The following RNF43 variants were observed in gnomAD, a reference collection of about 807,000 sequenced individuals.
RNF43 encodes ring finger protein 43.
RNF43 carries 37 observed loss-of-function variants against 78.4 expected under a neutral mutation model. The ratio of observed to expected loss-of-function variants is 0.47; its 90% CI spans 0.36 to 0.62. The LOEUF (loss-of-function observed/expected upper bound fraction) is 0.62, where lower values mean the gene tolerates loss of function less well. Ranked by LOEUF, RNF43 falls within the 20% of genes least tolerant of loss-of-function variation. The probability of loss-of-function intolerance (pLI) is 0.00; values close to 1 mark genes in which losing one functional copy is unlikely to be tolerated. For missense variants in RNF43, 774 were observed against 1,007.9 expected (o/e 0.77, Z 3.14); for synonymous variants, 347 against 395.0 (o/e 0.88, Z 1.44).
intron 2 of RNF43, among the ~76,000 whole-genome samples, chr17:58,381,307 T>C (rs186282559): frequency 2.0e-5 from 3 of 152,306 alleles, no homozygotes; most frequent in Admixed American, 2.0e-4. Flanking sequence ...CAGGAAGGGC[T>C]TGTGTTGGAG....
rs1240000322 is a variant in RNF43 at position 58,353,772 on chromosome 17, C to G, written c.*1171G>C. On this transcript the variant is annotated 3_prime_UTR_variant, in exon 10 of 10. Transcript: ENST00000407977. ...CAGATATAAATACCCATGTGGGTAC[C>G]TAGGTGCTAGTCTCCCCACTAACTG... The G allele has an allele frequency of 4.9e-6, 1 of 204,788 alleles. No individual in the cohort carries two copies. Among genetic ancestry groups the G allele is most frequent in the African/African-American group, 2.3e-5 (1 of 43,676 alleles). 12.7% of individuals were successfully genotyped at this position (204,788 alleles called of 1,614,324 possible).
intron 2 of RNF43, among the ~76,000 whole-genome samples, chr17:58,386,674 G>T (rs1973444422): frequency 6.6e-6 from 1 of 152,090 alleles, no homozygotes; most frequent in African/African-American, 2.4e-5. Context: ...TTTCTGTTCT[G>T]TGACTTATTA....
intron 2 of RNF43, among the ~76,000 whole-genome samples, chr17:58,398,397 A>G (rs1480643564): frequency 6.6e-6 from 1 of 152,196 alleles, no homozygotes; most frequent in Non-Finnish European, 1.5e-5. Flanking sequence ...GGTCCATTAC[A>G]TCTGCTTCTT....
In RNF43 at chr17:58,357,400, C is replaced by T. The variant is rs1360847364; in HGVS notation, c.2308+68G>A. The T allele has an allele frequency of 6.3e-7, 1 of 1,598,574 alleles. No homozygotes were observed. Among genetic ancestry groups the T allele is most frequent in the South Asian group, 1.1e-5 (1 of 90,742 alleles). ...CCATCAACCCTTTGTTGGCTGACTT[C>T]ACCTGTCCTGAAATATTCAGCTGTA... On this transcript the variant is annotated intron_variant, in intron 9 of 9. Coordinates refer to ENST00000407977, the MANE Select transcript of RNF43 (RefSeq NM_017763.6). This position sits in a 1 kb window ranked among gnomAD's most constrained non-coding sequence, Gnocchi z 4.5.
intron 3 of RNF43, among the ~76,000 whole-genome samples, chr17:58,368,523 G>C (rs1180130540): frequency 6.6e-6 from 1 of 151,848 alleles, no homozygotes; most frequent in African/African-American, 2.4e-5. Context: ...CTCCAGCCTG[G>C]GCAACAGAGC....
At position 58,363,614 on chromosome 17, in the gene RNF43, C is replaced by G. The variant is rs745640921; in HGVS notation, c.376-14G>C. ...CGCCATCCGAGCCTGCAGAGGCACACAGTAGAGGTTGGGCTGAGGTCAGGG... is the reference window on the plus strand; with the variant it reads ...CGCCATCCGAGCCTGCAGAGGCACAGAGTAGAGGTTGGGCTGAGGTCAGGG... On this transcript the variant is annotated splice_polypyrimidine_tract_variant and intron_variant, in intron 3 of 9. Transcript: ENST00000407977. 5.0e-6 allele frequency: 8 copies of G among 1,606,582 alleles called. No individual in the cohort carries two copies. The highest frequency in any genetic ancestry group is 6.8e-6 in the Non-Finnish European group (8 of 1,175,174).
chr17:58,353,733 G>C lies in RNF43; in HGVS notation c.*1210C>G, dbSNP rs918084852. ...TTTCTTAACATAGTGCCTGATTCAA[G>C]CGTCTGTCTGGTTCAGATATAAATA... On this transcript the variant is annotated 3_prime_UTR_variant, in exon 10 of 10. Coordinates refer to ENST00000407977, the MANE Select transcript of RNF43 (RefSeq NM_017763.6). 3 of 210,532 alleles carry C rather than the reference G, an allele frequency of 1.4e-5. No individual in the cohort carries two copies. The highest frequency in any genetic ancestry group is 2.9e-5 in the Non-Finnish European group (3 of 103,322). 13.0% of individuals were successfully genotyped at this position (210,532 alleles called of 1,614,324 possible).
rs2143392779 is a variant in RNF43, at chr17:58,357,757, A to G, written c.2019T>C (p.Thr673=). ...GAAAAATCTGGCAAGCTGGGTGCAC[A>G]GTTGCATCCTGGGGCCGAGAGCCAG... ...PTPGSRPQDA[T]VHPACQIFPH... Residue 673 remains threonine, a synonymous_variant, in exon 9 of 10, where the codon ACT becomes ACC. Coordinates refer to ENST00000407977, the MANE Select transcript of RNF43 (RefSeq NM_017763.6). The surrounding 1 kb of genome is among the most constrained non-coding windows in gnomAD (Gnocchi z 4.5). 1.9e-6 allele frequency: 3 copies of G among 1,613,368 alleles called. No homozygotes were observed. The highest frequency in any genetic ancestry group is 1.1e-5 in the South Asian group (1 of 91,008).
At chr17:58,411,156 A>T (rs1974018324) in intron 2 of RNF43, among the ~76,000 whole-genome samples, 1 of 152,210 alleles carries the variant, frequency 6.6e-6, no homozygotes, top group African/African-American at 2.4e-5. Flanking sequence ...TGTAAAGTGC[A>T]TGTAAATAGC....
intron 3 of RNF43, among the ~76,000 whole-genome samples, chr17:58,364,485 G>A (rs970714542): frequency 2.0e-5 from 3 of 152,158 alleles, no homozygotes; most frequent in African/African-American, 7.2e-5. Context: ...GTAGGGAGGG[G>A]AGTAAGGAAA....
rs1471215637 is a variant in RNF43, at chr17:58,354,238, GAA to G, written c.*703_*704del. The stretch of plus-strand genomic sequence containing the variant: ...CTACCTCTCTGGGACTCTGAGACAG[GAA>G]ATCTTCAAGGAGGAGTTTTTCCCTC... On this transcript the variant is annotated 3_prime_UTR_variant, in exon 10 of 10. Coordinates refer to ENST00000407977, the MANE Select transcript of RNF43 (RefSeq NM_017763.6). The G allele has an allele frequency of 4.9e-6, 1 of 202,212 alleles. No individual in the cohort carries two copies. Among genetic ancestry groups the G allele is most frequent in the Non-Finnish European group, 1.0e-5 (1 of 98,522 alleles). The allele number at this position is 202,212 out of a possible 1,614,324, so 12.5% of individuals were successfully genotyped here.
chr17:58,353,396 T>G (rs767984038), downstream of RNF43: 1 of 200,174 alleles, frequency 5.0e-6, no homozygotes, highest in Non-Finnish European at 1.0e-5. Flanking sequence ...TCTGAGTCAC[T>G]GAAGTATGAT....
At position 58,358,203 on chromosome 17, in the gene RNF43, T is replaced by C. The variant is rs2143407648; in HGVS notation, c.1573A>G (p.Ser525Gly). 1.2e-6 allele frequency: 2 copies of C among 1,613,262 alleles called. No homozygotes were observed. The highest frequency in any genetic ancestry group is 1.7e-6 in the Non-Finnish European group (2 of 1,179,580). The change falls in exon 9 of 10, where the codon AGT becomes GGT. Residue 525 changes from serine to glycine, a missense_variant. Ser to Gly is a moderately conservative substitution (Grantham distance 56). Coordinates refer to ENST00000407977, the MANE Select transcript of RNF43 (RefSeq NM_017763.6). The surrounding 1 kb of genome is among the most constrained non-coding windows in gnomAD (Gnocchi z 6.2). Reference protein sequence around the residue: ...GDPQRVDMQPSVTSRPRSLDS... With the variant: ...GDPQRVDMQPGVTSRPRSLDS... Reference sequence around the variant, plus strand: ...AAGGAACGAGGCCGAGAGGTCACACTAGGCTGCATGTCCACTCGCTGGGGA... The same window carrying C: ...AAGGAACGAGGCCGAGAGGTCACACCAGGCTGCATGTCCACTCGCTGGGGA...
At position 58,362,602 on chromosome 17, in the gene RNF43, A is replaced by G; in HGVS notation, c.629T>C (p.Phe210Ser). ...WILMTVVGTI[F>S]VIILASVLRI... ...CAGCACCGAAGCCAGGATGATCACAAAGATGGTGCCCACCACTGTCATTAG... is the reference window on the plus strand; with the variant it reads ...CAGCACCGAAGCCAGGATGATCACAGAGATGGTGCCCACCACTGTCATTAG... Residue 210 changes from phenylalanine to serine, a missense_variant, in exon 6 of 10, where the codon TTT (phenylalanine) becomes TCT (serine). Transcript: ENST00000407977. 1 of 1,611,968 alleles carries G rather than the reference A, an allele frequency of 6.2e-7. No homozygotes were observed.
At chr17:58,371,660 G>A (rs1264977731) in intron 2 of RNF43, among the ~76,000 whole-genome samples, 1 of 152,220 alleles carries the variant, frequency 6.6e-6, no homozygotes, top group Non-Finnish European at 1.5e-5. Flanking sequence ...TGTTGACAGA[G>A]AGGTGAGACT....
At position 58,376,102 on chromosome 17, in the gene RNF43, G is replaced by A. The variant is rs182982607; in HGVS notation, c.253-5069C>T. On this transcript the variant is annotated intron_variant, in intron 2 of 9. Coordinates refer to ENST00000407977, the MANE Select transcript of RNF43 (RefSeq NM_017763.6). The stretch of plus-strand genomic sequence containing the variant: ...AAGCTGCAGCCTGTGCCCCAGAAGC[G>A]GTGGGTCCCTGGAGAAGGACTGAGT... Among the ~76,000 whole-genome samples, 56 of 152,292 alleles carry A rather than the reference G, an allele frequency of 3.7e-4. No individual in the cohort carries two copies. The Middle Eastern group carries it at 0.014, about 37-fold the overall frequency.
chr17:58,364,189 C>T (rs1972902368), intron 3 of RNF43, among the ~76,000 whole-genome samples: 1 of 152,202 alleles, frequency 6.6e-6, no homozygotes, highest in African/African-American at 2.4e-5. Context: ...TCATGGGCTC[C>T]CTCTCCTTGC....
At chr17:58,366,184 G>A (rs2526371) in intron 3 of RNF43, among the ~76,000 whole-genome samples, 139,794 of 152,316 alleles carry the variant, frequency 0.92, 64,394 homozygotes, top group African/African-American at 0.98. Flanking sequence ...GAATAGAAAC[G>A]GAAGCTTCCA....
At chr17:58,416,680 G>A (rs1489128608) in intron 1 of RNF43, 1 of 152,188 alleles carries the variant, frequency 6.6e-6, no homozygotes, top group African/African-American at 2.4e-5. Context: ...AGGGGGAGCA[G>A]GGAGGCGATT....
Sources: allele counts gnomAD v4.1 joint callset (sites outside exome capture counted in the v4.1 genomes callset), GRCh38; gene constraint gnomAD v4.1.1; non-coding constraint Gnocchi (gnomAD v3.1); transcripts MANE v1.5; gene names NCBI Gene and HGNC (gene_info 2026-07-23, HGNC 2026-07-21).